The following MEGF11 variants were observed in gnomAD, a reference collection of about 807,000 sequenced individuals.
The protein encoded by MEGF11 is multiple EGF like domains 11, also known as multiple epidermal growth factor-like domains protein 11.
Under a neutral mutation model 146.6 loss-of-function variants are expected in MEGF11, and 126 were observed. That is an observed-to-expected ratio of 0.86 (90% CI 0.74 to 1.00). The LOEUF (loss-of-function observed/expected upper bound fraction) is 1.00, where lower values mean the gene tolerates loss of function less well. Among genes scored for constraint, MEGF11 ranks in the 50% least tolerant of loss-of-function variants. MEGF11 has a pLI of 0.00. For missense variants in MEGF11, 1,509 were observed against 1,521.2 expected, an observed-to-expected ratio of 0.99 and a Z score of 0.13; for synonymous variants, 532 against 583.4, an observed-to-expected ratio of 0.91 and a Z score of 1.27.
intron 5 of MEGF11, among the ~76,000 whole-genome samples, chr15:66,052,434 C>T (rs1271725399): frequency 1.3e-5 from 2 of 152,184 alleles, no homozygotes; most frequent in African/African-American, 2.4e-5. Flanking sequence ...CTTGAAAGAG[C>T]TCTCAAAAGC....
intron 24 of MEGF11, among the ~76,000 whole-genome samples, chr15:65,902,971 CAG>C (rs923787879): frequency 2.6e-5 from 4 of 152,180 alleles, no homozygotes; most frequent in African/African-American, 9.7e-5. Context: ...ACTTAACTGT[CAG>C]GGAAAAACCC....
At chr15:66,030,956 A>T (rs762372017) in intron 5 of MEGF11, among the ~76,000 whole-genome samples, 5 of 152,248 alleles carry the variant, frequency 3.3e-5, no homozygotes, top group East Asian at 1.9e-4. Flanking sequence ...AAGAGGGCTC[A>T]TAAGCTGTTT....
At chr15:66,113,806 G>A (rs1460306336) in intron 4 of MEGF11, among the ~76,000 whole-genome samples, 7 of 152,196 alleles carry the variant, frequency 4.6e-5, no homozygotes, top group South Asian at 2.1e-4. Flanking sequence ...GTGTGAACCC[G>A]GGAGGCGGAG....
chr15:66,101,733 C>A (rs2086817884), intron 4 of MEGF11, among the ~76,000 whole-genome samples: 1 of 152,236 alleles, frequency 6.6e-6, no homozygotes, highest in South Asian at 2.1e-4. Flanking sequence ...ATTGTACTAA[C>A]TTGAGCCATG....
At chr15:66,239,045 G>T (rs150299446) in intron 1 of MEGF11, among the ~76,000 whole-genome samples, 2 of 152,350 alleles carry the variant, frequency 1.3e-5, no homozygotes, top group African/African-American at 4.8e-5. Context: ...TAGAAGTTGA[G>T]TCACTTGCCC....
chr15:66,248,860 A>G (rs756986270), intron 1 of MEGF11, among the ~76,000 whole-genome samples: 1 of 152,362 alleles, frequency 6.6e-6, no homozygotes, highest in Non-Finnish European at 1.5e-5. Context: ...TTAAGCCTGC[A>G]TAATTACTGC....
intron 24 of MEGF11, chr15:65,905,251 C>T (rs550566563): frequency 6.4e-4 from 97 of 152,288 alleles, no homozygotes; most frequent in African/African-American, 2.2e-3. Context: ...ATTAGTACCA[C>T]CTTTACAGTA....
intron 17 of MEGF11, 31 bp from the exon 18 acceptor site, chr15:65,916,307 T>C: frequency 1.3e-6 from 2 of 1,542,650 alleles, no homozygotes; most frequent in East Asian, 2.4e-5. Flanking sequence ...GTCACGAGAG[T>C]TGCTGCTGGG....
chr15:66,102,859 C>T (rs182490905), intron 4 of MEGF11, among the ~76,000 whole-genome samples: 6 of 152,324 alleles, frequency 3.9e-5, no homozygotes, highest in African/African-American at 4.8e-5. Flanking sequence ...CTTGGCCTAG[C>T]GGTACAGCTT....
chr15:65,976,546 A>G (rs1468898651), intron 7 of MEGF11, among the ~76,000 whole-genome samples: 3 of 152,330 alleles, frequency 2.0e-5, no homozygotes, highest in Admixed American at 1.3e-4. Context: ...ATGGCCATCT[A>G]CAAGCCAAGG....
intron 1 of MEGF11, among the ~76,000 whole-genome samples, chr15:66,194,775 T>C (rs1013736926): frequency 1.3e-5 from 2 of 151,954 alleles, no homozygotes; most frequent in Non-Finnish European, 2.9e-5. Context: ...AAAGAACTTA[T>C]CCATGTAACC....
intron 1 of MEGF11, among the ~76,000 whole-genome samples, chr15:66,133,303 C>G (rs560063006): frequency 2.0e-5 from 3 of 152,332 alleles, no homozygotes; most frequent in Non-Finnish European, 4.4e-5. Context: ...GTAGCTCAAG[C>G]TGCAGTTGGG....
At chr15:66,181,245 G>A (rs2090538673) in intron 1 of MEGF11, among the ~76,000 whole-genome samples, 1 of 152,188 alleles carries the variant, frequency 6.6e-6, no homozygotes, top group South Asian at 2.1e-4. Context: ...CAGAATTTGT[G>A]TTGTTGTTGA....
chr15:66,141,289 T>TGTGAGAGAGA (rs1555475806), intron 1 of MEGF11, among the ~76,000 whole-genome samples: 90 of 101,226 alleles, frequency 8.9e-4, no homozygotes, highest in African/African-American at 1.9e-3. Flanking sequence ...TGTGTGTGTG[T>TGTGAGAGAGA]GAGAGAGAGA....
intron 1 of MEGF11, among the ~76,000 whole-genome samples, chr15:66,226,513 G>T (rs59258025): frequency 0.12 from 17,776 of 152,074 alleles, 1,316 homozygotes; most frequent in African/African-American, 0.21. Context: ...CTCCCAAAGT[G>T]CTGGGATTAC....
At chr15:66,136,458 T>G (rs573976382) in intron 1 of MEGF11, among the ~76,000 whole-genome samples, 59 of 152,272 alleles carry the variant, frequency 3.9e-4, no homozygotes, top group Non-Finnish European at 7.1e-4. Flanking sequence ...AGCCTGGCTG[T>G]CAGCCCACAG....
Position 66,013,193 on chromosome 15 carries a change from C to T in MEGF11, c.395-30705G>A, listed in dbSNP as rs114486459. Among the ~76,000 whole-genome samples the T allele has an allele frequency of 7.3e-3, 1,106 of 152,244 alleles. 12 individuals are homozygous for T. The highest frequency in any genetic ancestry group is 0.026 in the African/African-American group (1,069 of 41,540). ...TGAGCTGGAGGAGACTAGAGGGCAG[C>T]GGCAGAGTTCATCTTGTTCTCTGGC... On this transcript the variant is annotated intron_variant, in intron 5 of 25. Coordinates refer to ENST00000395614, the MANE Select transcript of MEGF11 (RefSeq NM_001385028.1).
At chr15:66,107,645 T>C (rs1291153177) in intron 4 of MEGF11, among the ~76,000 whole-genome samples, 1 of 152,182 alleles carries the variant, frequency 6.6e-6, no homozygotes, top group Non-Finnish European at 1.5e-5. Flanking sequence ...TTTGGGAACC[T>C]GAGGTCCTGG....
intron 1 of MEGF11, among the ~76,000 whole-genome samples, chr15:66,186,654 C>T (rs2090712713): frequency 6.6e-6 from 1 of 152,224 alleles, no homozygotes; most frequent in African/African-American, 2.4e-5. Flanking sequence ...CCAGCTAAGT[C>T]AATCACCCCT....
Sources: gnomAD v4.1 joint callset for allele counts (sites outside exome capture counted in the v4.1 genomes callset) on GRCh38, gnomAD v4.1.1 for gene constraint, MANE v1.5 for transcripts, NCBI Gene and HGNC (gene_info 2026-07-23, HGNC 2026-07-21) for gene names.